TFRC: variants seen among roughly 807,000 people sequenced by gnomAD.
TFRC encodes the protein transferrin receptor.
TFRC carries 35 observed loss-of-function variants against 85.8 expected under a neutral mutation model. The ratio of observed to expected loss-of-function variants is 0.41; its 90% CI spans 0.31 to 0.54. The LOEUF (loss-of-function observed/expected upper bound fraction) is 0.54. TFRC is among the 20% of genes least tolerant of loss of function. TFRC has a pLI of 0.31. For missense variants in TFRC, 828 were observed against 921.5 expected (o/e 0.90, Z 1.31); for synonymous variants, 362 against 328.6 (o/e 1.10, Z -1.10).
chr3:196,066,288 C>G (rs1422420907), intron 9 of TFRC, among the ~76,000 whole-genome samples: 1 of 152,048 alleles, frequency 6.6e-6, no homozygotes, highest in Non-Finnish European at 1.5e-5. Context: ...ACATTCTTAG[C>G]TCAGTTATAA....
chr3:196,072,243 A>C (rs1718275752), intron 4 of TFRC, 91 bp from the exon 5 acceptor site: 1 of 1,487,994 alleles, frequency 6.7e-7, no homozygotes, highest in Non-Finnish European at 9.2e-7. Flanking sequence ...TGAAAGCAAA[A>C]TATTATCCCT....
At chr3:196,055,934 ACT>A (rs1716751524) in intron 16 of TFRC, among the ~76,000 whole-genome samples, 4 of 91,272 alleles carry the variant, frequency 4.4e-5, no homozygotes, top group African/African-American at 1.7e-4. Flanking sequence ...AGACGAGGTC[ACT>A]CTGTCACCCA....
intron 6 of TFRC, among the ~76,000 whole-genome samples, chr3:196,070,717 C>T (rs1718117010): frequency 1.3e-5 from 2 of 149,884 alleles, no homozygotes; most frequent in South Asian, 4.2e-4. Flanking sequence ...ATCACCTGAG[C>T]CCAGGAGTTT....
chr3:196,073,047 A>AAAAAACAAAC (rs1718353553), intron 4 of TFRC, among the ~76,000 whole-genome samples: 2 of 110,494 alleles, frequency 1.8e-5, no homozygotes, highest in Non-Finnish European at 2.1e-5. Context: ...AAAAAAAAAA[A>AAAAAACAAAC]AAAAAAAAAA....
At chr3:196,067,257 T>C (rs544092769) in intron 9 of TFRC, among the ~76,000 whole-genome samples, 1 of 152,384 alleles carries the variant, frequency 6.6e-6, no homozygotes, top group South Asian at 2.1e-4. Flanking sequence ...GAGCAGAAGC[T>C]ATGCCAGGAA....
At chr3:196,078,184 G>A (rs1244827969) in intron 1 of TFRC, among the ~76,000 whole-genome samples, 1 of 152,004 alleles carries the variant, frequency 6.6e-6, no homozygotes, top group South Asian at 2.1e-4. Context: ...TGGTTTGAGG[G>A]CATCTAGATA....
At chr3:196,058,418 C>T (rs1716996762) in intron 15 of TFRC, 53 bp from the exon 16 acceptor site, 1 of 1,556,142 alleles carries the variant, frequency 6.4e-7, no homozygotes, top group Admixed American at 1.7e-5. Context: ...ATAGACTGTT[C>T]TATCGTGCTA....
intron 4 of TFRC, among the ~76,000 whole-genome samples, chr3:196,073,032 T>A (rs1388803263): frequency 1.7e-5 from 1 of 59,796 alleles, no homozygotes; most frequent in Non-Finnish European, 4.2e-5. Context: ...AAATCCCGTT[T>A]CTGCAAAAAA....
chr3:196,052,825 A>G (rs1716446130), intron 18 of TFRC, among the ~76,000 whole-genome samples: 1 of 152,102 alleles, frequency 6.6e-6, no homozygotes, highest in Admixed American at 6.6e-5. Context: ...TTAAAATTCT[A>G]AAGGAGGCTA....
In TFRC at chr3:196,071,457, A is replaced by G. The variant is rs1176379733; in HGVS notation, c.626T>C (p.Leu209Pro). 1 of 1,614,142 alleles carries G rather than the reference A, an allele frequency of 6.2e-7. No individual in the cohort carries two copies. Among genetic ancestry groups the G allele is most frequent in the Non-Finnish European group, 8.5e-7 (1 of 1,179,990 alleles). The change falls in exon 6 of 19, where the codon CTT (leucine) becomes CCT (proline). Residue 209 changes from leucine (L) to proline (P), a missense_variant. Physicochemically the swap from Leu to Pro is moderately conservative, Grantham distance 98. Coordinates refer to ENST00000360110, the MANE Select transcript of TFRC (RefSeq NM_001128148.3). ...CCCAGGATTCTCCACCAGGTAAACA[A>G]GTCTACCGTTCTTATCAACTATGAT... ...SVIIVDKNGRLVYLVENPGGY... is the reference protein window; with the variant it reads ...SVIIVDKNGRPVYLVENPGGY...
intron 2 of TFRC, among the ~76,000 whole-genome samples, chr3:196,076,432 T>C (rs1286996806): frequency 1.3e-5 from 2 of 150,908 alleles, no homozygotes; most frequent in African/African-American, 4.9e-5. Context: ...CCACCACACT[T>C]GGCCTCATTC....
At chr3:196,068,525 CGCTTGAAACCAT>C (rs1717918728) in intron 7 of TFRC, among the ~76,000 whole-genome samples, 1 of 143,064 alleles carries the variant, frequency 7.0e-6, no homozygotes, top group African/African-American at 2.6e-5. Context: ...GCAGGAGAAT[CGCTTGAAACCAT>C]AAGGCAGAGG....
chr3:196,079,202 C>G (rs1718961759), intron 1 of TFRC, among the ~76,000 whole-genome samples: 1 of 152,144 alleles, frequency 6.6e-6, no homozygotes, highest in Admixed American at 6.6e-5. Context: ...ACTGGAAGGC[C>G]CCACCCTGAA....
chr3:196,059,368 A>C (rs1288828155), intron 14 of TFRC, among the ~76,000 whole-genome samples: 1 of 152,176 alleles, frequency 6.6e-6, no homozygotes, highest in East Asian at 1.9e-4. Context: ...GCTTACCCAC[A>C]ATTGTAAAAG....
At chr3:196,078,123 T>C (rs1045834648) in intron 1 of TFRC, among the ~76,000 whole-genome samples, 11 of 152,138 alleles carry the variant, frequency 7.2e-5, no homozygotes, top group African/African-American at 2.7e-4. Context: ...GTAATCAAAG[T>C]CCTAAGTTAA....
At chr3:196,076,409 T>A (rs1718701686) in intron 2 of TFRC, among the ~76,000 whole-genome samples, 1 of 151,870 alleles carries the variant, frequency 6.6e-6, no homozygotes, top group Admixed American at 6.6e-5. Context: ...ACTGCTGGGA[T>A]TGCGGGAGTG....
At position 196,062,607 on chromosome 3, in the gene TFRC, A is replaced by T. The variant is rs780427389; in HGVS notation, c.1443T>A (p.Tyr481Ter). The change falls in exon 13 of 19, where the codon TAT becomes TAA. Residue 481 changes from tyrosine to a stop codon, truncating the protein, a stop_gained. Coordinates refer to ENST00000360110, the MANE Select transcript of TFRC (RefSeq NM_001128148.3). LOFTEE classifies it high-confidence loss of function. ...CAAGAACCGCTTTATCCAGATTAAT[A>T]TAAGTGAAAGCCTTTAAATGCAGGG... ...LSSLHLKAFT[Y>*]INLDKAVLGT... 4 of 1,609,696 alleles carry T rather than the reference A, an allele frequency of 2.5e-6. No individual in the cohort carries two copies. The African/African-American group carries it at 4.0e-5, about 16-fold the overall frequency.
intron 7 of TFRC, among the ~76,000 whole-genome samples, chr3:196,068,945 A>G (rs1296094710): frequency 1.3e-5 from 2 of 150,742 alleles, no homozygotes. Flanking sequence ...AAAAAAAAAA[A>G]GAAAAGAAAA....
At chr3:196,053,720 A>C (rs1204436275) in intron 17 of TFRC, among the ~76,000 whole-genome samples, 162 bp from the exon 18 acceptor site, 1 of 152,218 alleles carries the variant, frequency 6.6e-6, no homozygotes, top group Non-Finnish European at 1.5e-5. Flanking sequence ...AGCTCTATGG[A>C]CTGTGATATA....
Sources: gnomAD v4.1 joint callset for allele counts (sites outside exome capture counted in the v4.1 genomes callset) on GRCh38, gnomAD v4.1.1 for gene constraint, MANE v1.5 for transcripts, NCBI Gene and HGNC (gene_info 2026-07-23, HGNC 2026-07-21) for gene names.